UBE2E2: variants seen among roughly 807,000 people sequenced by gnomAD.
UBE2E2 encodes ubiquitin-conjugating enzyme E2 E2.
UBE2E2 carries 6 observed loss-of-function variants against 24.7 expected under a neutral mutation model. The observed-to-expected ratio is 0.24, with a 90% CI of 0.13 to 0.48. The LOEUF (loss-of-function observed/expected upper bound fraction) is 0.48. UBE2E2 is among the 20% of genes least tolerant of loss of function. The pLI is 0.99. For missense variants in UBE2E2, 169 were observed against 245.0 expected (o/e 0.69, Z 2.07); for synonymous variants, 104 against 83.6 (o/e 1.24, Z -1.33).
chr3:23,542,121 G>A (rs951987555), intron 5 of UBE2E2, among the ~76,000 whole-genome samples: 2 of 152,128 alleles, frequency 1.3e-5, no homozygotes, highest in Admixed American at 6.6e-5. Flanking sequence ...CCGCATCACT[G>A]GGGCAAAGGC....
intron 3 of UBE2E2, among the ~76,000 whole-genome samples, chr3:23,376,150 G>A (rs1696516049): frequency 6.6e-6 from 1 of 152,158 alleles, no homozygotes; most frequent in South Asian, 2.1e-4. Flanking sequence ...ACTCAAGTTT[G>A]TAGTTTTCTT....
chr3:23,539,357 A>G (rs1219734386), intron 5 of UBE2E2, among the ~76,000 whole-genome samples: 1 of 152,182 alleles, frequency 6.6e-6, no homozygotes, highest in Non-Finnish European at 1.5e-5. Context: ...ACGTCCTTTG[A>G]TAGGTTTGAT....
intron 3 of UBE2E2, among the ~76,000 whole-genome samples, chr3:23,462,463 T>C (rs775136639): frequency 6.6e-6 from 1 of 152,216 alleles, no homozygotes; most frequent in Admixed American, 6.5e-5. Context: ...TGTATGATAA[T>C]GTGTAATGAA....
intron 3 of UBE2E2, among the ~76,000 whole-genome samples, chr3:23,485,768 G>T (rs909099581): frequency 6.6e-6 from 1 of 152,146 alleles, no homozygotes; most frequent in Non-Finnish European, 1.5e-5. Flanking sequence ...TTTCTTTCAT[G>T]ATCTCAGAAT....
chr3:23,492,531 G>C (rs976955359), intron 3 of UBE2E2, among the ~76,000 whole-genome samples: 2 of 152,188 alleles, frequency 1.3e-5, no homozygotes, highest in African/African-American at 4.8e-5. Context: ...TTGCTGTGTA[G>C]TATGATTAGA....
intron 3 of UBE2E2, among the ~76,000 whole-genome samples, chr3:23,256,164 G>A (rs967979310): frequency 1.6e-4 from 24 of 152,168 alleles, no homozygotes; most frequent in African/African-American, 2.9e-4. Context: ...TTTTTCTTTC[G>A]TTCTTAATTT....
At chr3:23,399,409 A>G (rs777166377) in intron 3 of UBE2E2, among the ~76,000 whole-genome samples, 2 of 152,218 alleles carry the variant, frequency 1.3e-5, no homozygotes, top group Admixed American at 1.3e-4. Flanking sequence ...TACACAATGT[A>G]GATGCACTGG....
At chr3:23,306,284 A>T (rs998443400) in intron 3 of UBE2E2, among the ~76,000 whole-genome samples, 5 of 152,206 alleles carry the variant, frequency 3.3e-5, no homozygotes, top group Non-Finnish European at 5.9e-5. Context: ...ACTAGCTGAC[A>T]TTGCTGTAAA....
chr3:23,496,339 A>G (rs775825373), intron 3 of UBE2E2, among the ~76,000 whole-genome samples: 14 of 152,286 alleles, frequency 9.2e-5, no homozygotes, highest in Middle Eastern at 3.4e-3. Context: ...ACCTGAATCC[A>G]CTGCACACAC....
intron 5 of UBE2E2, among the ~76,000 whole-genome samples, chr3:23,575,331 A>G (rs1354721596): frequency 1.3e-5 from 2 of 152,196 alleles, no homozygotes; most frequent in African/African-American, 2.4e-5. Flanking sequence ...TTTGATCTCT[A>G]CAAGTTCAGT....
intron 3 of UBE2E2, among the ~76,000 whole-genome samples, chr3:23,446,699 G>GTTTTTTTTTT (rs57327621): frequency 4.5e-5 from 5 of 112,228 alleles, no homozygotes; most frequent in Admixed American, 9.1e-5. Context: ...CGTCTGTTTG[G>GTTTTTTTTTT]TTTTTTTTTT....
In UBE2E2 at chr3:23,260,729, G is replaced by T. The variant is rs114822467; in HGVS notation, c.227+43417G>T. On this transcript the variant is annotated intron_variant, in intron 3 of 5. Coordinates refer to ENST00000396703, the MANE Select transcript of UBE2E2 (RefSeq NM_152653.4). ...CAGAGACTGAGCCTGGGAGGTCGAG[G>T]CTGTGGTAAGCTGTGTTTGCACCTT... Among the ~76,000 whole-genome samples the T allele has an allele frequency of 5.6e-3, 848 of 152,202 alleles. 6 individuals are homozygous for T. The highest frequency in any genetic ancestry group is 0.019 in the African/African-American group (806 of 41,530).
chr3:23,555,470 C>G (rs548771988), intron 5 of UBE2E2, among the ~76,000 whole-genome samples: 1 of 152,100 alleles, frequency 6.6e-6, no homozygotes, highest in African/African-American at 2.4e-5. Context: ...TATGGAGGTT[C>G]CTAAAGAAAT....
intron 3 of UBE2E2, among the ~76,000 whole-genome samples, chr3:23,338,564 A>G (rs928195629): frequency 6.6e-6 from 1 of 152,148 alleles, no homozygotes; most frequent in African/African-American, 2.4e-5. Flanking sequence ...AGGCACCAAT[A>G]AAAGGAACCA....
At chr3:23,300,350 C>T (rs1031875337) in intron 3 of UBE2E2, among the ~76,000 whole-genome samples, 9 of 152,168 alleles carry the variant, frequency 5.9e-5, no homozygotes, top group East Asian at 5.8e-4. Context: ...TTATTTTGCT[C>T]GATAGTTGAT....
intron 3 of UBE2E2, among the ~76,000 whole-genome samples, chr3:23,349,985 C>T (rs2125318827): frequency 6.6e-6 from 1 of 152,316 alleles, no homozygotes; most frequent in Admixed American, 6.5e-5. Context: ...GAGGCAACCC[C>T]CAGTAGGGGC....
rs1275253218 is a variant in UBE2E2 at position 23,208,837 on chromosome 3, C to T, written c.138C>T (p.Ser46=). The change falls in exon 2 of 6, where the codon TCC becomes TCT. Residue 46 remains serine, a synonymous_variant. Coordinates refer to ENST00000396703, the MANE Select transcript of UBE2E2 (RefSeq NM_152653.4). ...CCAAGAAAAAGGAGGGAAAAATATCCAGCAAAACCGCTGCTAAATTGTCAA... is the reference window on the plus strand; with the variant it reads ...CCAAGAAAAAGGAGGGAAAAATATCTAGCAAAACCGCTGCTAAATTGTCAA... ...VQPKKKEGKI[S]SKTAAKLSTS... is the part of the protein sequence containing the mutation. The T allele has an allele frequency of 2.5e-6, 4 of 1,612,992 alleles. No homozygotes were observed. The highest frequency in any genetic ancestry group is 3.4e-6 in the Non-Finnish European group (4 of 1,179,448).
At chr3:23,461,675 A>G (rs1330555771) in intron 3 of UBE2E2, among the ~76,000 whole-genome samples, 3 of 152,184 alleles carry the variant, frequency 2.0e-5, no homozygotes, top group Non-Finnish European at 2.9e-5. Flanking sequence ...TAGTTGAAGC[A>G]ATAAGACACA....
chr3:23,423,731 A>G (rs1270645857), intron 3 of UBE2E2, among the ~76,000 whole-genome samples: 1 of 152,160 alleles, frequency 6.6e-6, no homozygotes, highest in Non-Finnish European at 1.5e-5. Context: ...CATTTTTTCA[A>G]AATGTATGGA....
Sources: gnomAD v4.1 joint callset for allele counts (sites outside exome capture counted in the v4.1 genomes callset) on GRCh38, gnomAD v4.1.1 for gene constraint, MANE v1.5 for transcripts, NCBI Gene and HGNC (gene_info 2026-07-23, HGNC 2026-07-21) for gene names.